Variants in ZFPM2 observed in about 807,000 individuals in gnomAD.
ZFPM2 encodes the protein zinc finger protein, FOG family member 2.
In ZFPM2, 20 loss-of-function variants were observed where a neutral mutation model predicts 98.6. The ratio of observed to expected loss-of-function variants is 0.20; its 90% CI spans 0.14 to 0.29. The LOEUF (loss-of-function observed/expected upper bound fraction) is 0.29, where lower values mean the gene tolerates loss of function less well. Ranked by LOEUF, ZFPM2 falls within the 10% of genes least tolerant of loss-of-function variation. ZFPM2 has a pLI of 1.00. For missense variants in ZFPM2, 1,310 were observed against 1,388.6 expected (o/e 0.94, Z 0.90); for synonymous variants, 518 against 502.7 (o/e 1.03, Z -0.41).
intron 3 of ZFPM2, among the ~76,000 whole-genome samples, chr8:105,497,187 G>A (rs1345584533): frequency 3.3e-5 from 5 of 151,698 alleles, no homozygotes; most frequent in Non-Finnish European, 4.4e-5. Flanking sequence ...GGGTTTCACC[G>A]TGTTAGCCAG....
intron 3 of ZFPM2, among the ~76,000 whole-genome samples, chr8:105,478,627 G>A (rs1368424077): frequency 6.6e-6 from 1 of 152,172 alleles, no homozygotes; most frequent in Non-Finnish European, 1.5e-5. Flanking sequence ...CATAAAATCT[G>A]AGTTAAATAA....
chr8:105,476,619 G>A (rs1289150769), intron 3 of ZFPM2, among the ~76,000 whole-genome samples: 4 of 152,146 alleles, frequency 2.6e-5, no homozygotes, highest in African/African-American at 9.7e-5. Context: ...TTAATTGAAT[G>A]GAAGTGATGT....
At chr8:105,597,797 A>T (rs1488399579) in intron 4 of ZFPM2, among the ~76,000 whole-genome samples, 1 of 152,114 alleles carries the variant, frequency 6.6e-6, no homozygotes, top group East Asian at 1.9e-4. Context: ...TCCCATGAAT[A>T]ATGTCTTTCA....
intron 5 of ZFPM2, among the ~76,000 whole-genome samples, chr8:105,754,796 A>C (rs190505684): frequency 6.6e-6 from 1 of 152,228 alleles, no homozygotes; most frequent in Admixed American, 6.5e-5. Context: ...GTAAGCCCAA[A>C]CATGACGGTT....
chr8:105,379,507 A>T (rs1810799510), intron 1 of ZFPM2, among the ~76,000 whole-genome samples: 1 of 152,170 alleles, frequency 6.6e-6, no homozygotes, highest in African/African-American at 2.4e-5. Context: ...TAATCCCAGC[A>T]CTTTGGGAGG....
At chr8:105,697,359 A>G (rs181487139) in intron 5 of ZFPM2, among the ~76,000 whole-genome samples, 126 of 152,332 alleles carry the variant, frequency 8.3e-4, no homozygotes, top group Admixed American at 3.3e-3. Flanking sequence ...TACTGAACTA[A>G]CAATTTCCAT....
At chr8:105,745,482 A>G (rs928751395) in intron 5 of ZFPM2, among the ~76,000 whole-genome samples, 1 of 152,096 alleles carries the variant, frequency 6.6e-6, no homozygotes, top group African/African-American at 2.4e-5. Flanking sequence ...TCTTTAACCT[A>G]TGTGTTACAC....
chr8:105,746,439 T>C (rs1044242649), intron 5 of ZFPM2, among the ~76,000 whole-genome samples: 13 of 152,082 alleles, frequency 8.5e-5, no homozygotes, highest in Non-Finnish European at 1.9e-4. Context: ...TTCTAGTGGG[T>C]ATTCCCTGTT....
At chr8:105,794,846 G>GCAAT (rs1421789992) in intron 6 of ZFPM2, among the ~76,000 whole-genome samples, 2 of 152,214 alleles carry the variant, frequency 1.3e-5, no homozygotes, top group African/African-American at 4.8e-5. Context: ...TGCTGTGCTA[G>GCAAT]CAATCAGTGA....
chr8:105,798,650 A>G (rs1382842383), intron 6 of ZFPM2, 74 bp from the exon 7 acceptor site: 2 of 1,347,594 alleles, frequency 1.5e-6, no homozygotes, highest in African/African-American at 2.9e-5. Context: ...GAAAAATTGA[A>G]CTAAATGCTG....
intron 1 of ZFPM2, among the ~76,000 whole-genome samples, chr8:105,384,238 T>C (rs1810941803): frequency 6.6e-6 from 1 of 152,074 alleles, no homozygotes; most frequent in Non-Finnish European, 1.5e-5. Flanking sequence ...TCTTTTGAGT[T>C]GCACAAGCCA....
chr8:105,327,117 C>A lies in ZFPM2; in HGVS notation c.40+8136C>A, dbSNP rs1484016963. Reference sequence around the variant, plus strand: ...ATTATTCTAATCCACATTTGGAAAACTTTTGTGGGCATCTCTTATTGAGAG... The same window carrying A: ...ATTATTCTAATCCACATTTGGAAAAATTTTGTGGGCATCTCTTATTGAGAG... On this transcript the variant is annotated intron_variant, in intron 1 of 7. Coordinates refer to ENST00000407775, the MANE Select transcript of ZFPM2 (RefSeq NM_012082.4). Among the ~76,000 whole-genome samples the A allele has an allele frequency of 4.0e-5, 6 of 151,350 alleles. No individual in the cohort carries two copies. The East Asian group carries it at 1.2e-3, about 29-fold the overall frequency.
At chr8:105,473,147 C>T (rs1812942138) in intron 3 of ZFPM2, among the ~76,000 whole-genome samples, 1 of 152,114 alleles carries the variant, frequency 6.6e-6, no homozygotes, top group African/African-American at 2.4e-5. Context: ...AGTGATCCTC[C>T]TGCCTTGCTT....
chr8:105,471,732 G>A (rs1244177427), intron 3 of ZFPM2, among the ~76,000 whole-genome samples: 2 of 152,152 alleles, frequency 1.3e-5, no homozygotes, highest in African/African-American at 2.4e-5. Context: ...GTCTTTTTAA[G>A]TTCTCTACTG....
chr8:105,645,636 G>A (rs1293465677), intron 5 of ZFPM2, among the ~76,000 whole-genome samples: 1 of 152,146 alleles, frequency 6.6e-6, no homozygotes, highest in Admixed American at 6.5e-5. Context: ...CATTCTAACA[G>A]GCTGGGAAGC....
intron 1 of ZFPM2, among the ~76,000 whole-genome samples, chr8:105,402,079 T>C (rs1023125728): frequency 3.3e-5 from 5 of 152,098 alleles, no homozygotes. Context: ...GTATTGCTGT[T>C]GGTATATTTT....
chr8:105,776,070 G>A (rs1813097915), intron 5 of ZFPM2, among the ~76,000 whole-genome samples: 1 of 151,440 alleles, frequency 6.6e-6, no homozygotes, highest in Non-Finnish European at 1.5e-5. Context: ...TATCTTAATA[G>A]GAGACATTTT....
intron 5 of ZFPM2, among the ~76,000 whole-genome samples, chr8:105,663,798 A>G (rs1420634890): frequency 3.9e-5 from 6 of 152,356 alleles, no homozygotes; most frequent in Middle Eastern, 3.4e-3. Flanking sequence ...TTCCAATTTA[A>G]TCAAGTATAA....
At chr8:105,341,132 T>C (rs985505568) in intron 1 of ZFPM2, among the ~76,000 whole-genome samples, 4 of 151,888 alleles carry the variant, frequency 2.6e-5, no homozygotes, top group African/African-American at 9.7e-5. Context: ...TGGAGTTAAG[T>C]TGGGATAATG....
Sources: gnomAD v4.1 joint callset for allele counts (sites outside exome capture counted in the v4.1 genomes callset) on GRCh38, gnomAD v4.1.1 for gene constraint, MANE v1.5 for transcripts, NCBI Gene and HGNC (gene_info 2026-07-23, HGNC 2026-07-21) for gene names.